The following PACSIN2 variants were observed in gnomAD, a reference collection of about 807,000 sequenced individuals.
PACSIN2 encodes the protein protein kinase C and casein kinase substrate in neurons 2, also known as protein kinase C and casein kinase substrate in neurons protein 2.
In PACSIN2, 25 loss-of-function variants were observed where a neutral mutation model predicts 63.8. The observed-to-expected ratio is 0.39, with a 90% confidence interval of 0.29 to 0.55. The LOEUF is 0.55. Ranked by LOEUF, PACSIN2 falls within the 20% of genes least tolerant of loss-of-function variation. The probability of loss-of-function intolerance (pLI) is 0.62; values close to 1 mark genes in which losing one functional copy is unlikely to be tolerated. For synonymous variants in PACSIN2, 255 were observed against 256.2 expected (o/e 1.00, Z 0.05); for missense variants, 518 against 646.9 (o/e 0.80, Z 2.16).
intron 1 of PACSIN2, among the ~76,000 whole-genome samples, chr22:42,927,720 T>A (rs145133810): frequency 0.027 from 4,176 of 152,124 alleles, 67 homozygotes; most frequent in African/African-American, 0.036. Context: ...CCCGAGTAGC[T>A]GGGATTAGAA....
intron 2 of PACSIN2, among the ~76,000 whole-genome samples, chr22:42,895,335 C>T (rs528220318): frequency 2.0e-5 from 3 of 152,304 alleles, no homozygotes; most frequent in Non-Finnish European, 2.9e-5. Context: ...AACTCAGTAT[C>T]GTTGAGCTGG....
chr22:42,900,170 T>A (rs1383890471), intron 2 of PACSIN2, among the ~76,000 whole-genome samples: 2 of 152,168 alleles, frequency 1.3e-5, no homozygotes, highest in African/African-American at 4.8e-5. Flanking sequence ...GGGAGACTCA[T>A]CTGAGGACTC....
chr22:42,871,348 C>T lies in PACSIN2; in HGVS notation c.*9G>A, dbSNP rs770416825. 5.0e-6 allele frequency: 8 copies of T among 1,594,362 alleles called. No individual in the cohort carries two copies. The highest frequency in any genetic ancestry group is 6.9e-6 in the Non-Finnish European group (8 of 1,161,846). ...GCCTCCGTCCCCCCGCTGGCCTGTC[C>T]CCGACTCATCACTGGATCGCCTCCA... On this transcript the variant is annotated 3_prime_UTR_variant, in exon 11 of 11. Transcript: ENST00000263246. This position sits in a 1 kb window ranked among gnomAD's most constrained non-coding sequence, Gnocchi z 5.4.
chr22:42,971,741 C>A (rs1295591329), intron 1 of PACSIN2, among the ~76,000 whole-genome samples: 1 of 151,784 alleles, frequency 6.6e-6, no homozygotes, highest in African/African-American at 2.4e-5. Flanking sequence ...CCGGCAGCCG[C>A]CCCGTCCGGG....
At chr22:43,003,834 T>C (rs1923922873) in intron 1 of PACSIN2, among the ~76,000 whole-genome samples, 1 of 152,158 alleles carries the variant, frequency 6.6e-6, no homozygotes, top group Non-Finnish European at 1.5e-5. Context: ...CTCTGGAATC[T>C]TCCTCCTGTC....
At chr22:42,888,161 T>C (rs918086026) in intron 5 of PACSIN2, among the ~76,000 whole-genome samples, 8 of 152,244 alleles carry the variant, frequency 5.3e-5, no homozygotes, top group African/African-American at 9.6e-5. Context: ...GAGTGGCTCC[T>C]GGTCAGCAGC....
chr22:42,898,822 C>T (rs898140030), intron 2 of PACSIN2, among the ~76,000 whole-genome samples: 4 of 152,164 alleles, frequency 2.6e-5, no homozygotes, highest in African/African-American at 9.7e-5. Flanking sequence ...TTAAAGTCAG[C>T]TAGGATGAGG....
At chr22:42,947,758 T>C (rs1601563528) in intron 1 of PACSIN2, among the ~76,000 whole-genome samples, 1 of 151,798 alleles carries the variant, frequency 6.6e-6, no homozygotes, top group Middle Eastern at 3.4e-3. Context: ...ATGGGTAAAA[T>C]AGAATCCAAT....
At chr22:42,937,796 A>T (rs1355498162) in intron 1 of PACSIN2, among the ~76,000 whole-genome samples, 5 of 152,176 alleles carry the variant, frequency 3.3e-5, no homozygotes, top group Non-Finnish European at 7.3e-5. Context: ...AGAACAGCAA[A>T]GTCCAGCATC....
chr22:42,970,102 A>G (rs1921140777), intron 1 of PACSIN2, among the ~76,000 whole-genome samples: 1 of 152,128 alleles, frequency 6.6e-6, no homozygotes, highest in African/African-American at 2.4e-5. Context: ...CCAAGTCCTC[A>G]CGCTGGGAAG....
At chr22:42,873,052 C>T (rs1024740483) in intron 10 of PACSIN2, among the ~76,000 whole-genome samples, 2 of 152,162 alleles carry the variant, frequency 1.3e-5, no homozygotes, top group Admixed American at 6.5e-5. Flanking sequence ...CCGCAAGAGA[C>T]GTAAGTCAAG....
chr22:42,993,853 T>C (rs1488839928), intron 1 of PACSIN2: 1 of 151,624 alleles, frequency 6.6e-6, no homozygotes, highest in Non-Finnish European at 1.5e-5. Context: ...CTCCCACAAG[T>C]CAAGAAATCA....
At chr22:42,984,693 T>C (rs1922485143) in intron 1 of PACSIN2, among the ~76,000 whole-genome samples, 1 of 152,138 alleles carries the variant, frequency 6.6e-6, no homozygotes, top group African/African-American at 2.4e-5. Flanking sequence ...AAAATGAAAT[T>C]TCTCTTACCT....
chr22:42,922,597 T>A (rs1932267054), intron 1 of PACSIN2, among the ~76,000 whole-genome samples: 2 of 152,374 alleles, frequency 1.3e-5, no homozygotes, highest in East Asian at 3.9e-4. Context: ...CAGGCTGACC[T>A]GCAGCTCGTT....
intron 1 of PACSIN2, among the ~76,000 whole-genome samples, chr22:43,001,122 C>T (rs1329019637): frequency 6.6e-6 from 1 of 152,226 alleles, no homozygotes; most frequent in Admixed American, 6.5e-5. Flanking sequence ...TCAGCCCTAT[C>T]AGTGCATGCC....
intron 1 of PACSIN2, among the ~76,000 whole-genome samples, chr22:42,921,692 A>G (rs972125187): frequency 1.3e-5 from 2 of 152,148 alleles, no homozygotes; most frequent in African/African-American, 4.8e-5. Context: ...GGGAGCAATC[A>G]GGAGCCAGAA....
At chr22:42,932,377 C>T (rs918238685) in intron 1 of PACSIN2, among the ~76,000 whole-genome samples, 5 of 152,184 alleles carry the variant, frequency 3.3e-5, no homozygotes, top group African/African-American at 2.4e-5. Flanking sequence ...TTTATATTTC[C>T]TCAAAGCACA....
intron 2 of PACSIN2, among the ~76,000 whole-genome samples, chr22:42,903,402 TAGG>T (rs1471908763): frequency 6.6e-6 from 1 of 152,222 alleles, no homozygotes; most frequent in African/African-American, 2.4e-5. Flanking sequence ...CTGTTGATAT[TAGG>T]GTTGTGAAAT....
chr22:42,982,886 AAAAACAAC>A (rs1386908043), intron 1 of PACSIN2, among the ~76,000 whole-genome samples: 4 of 139,924 alleles, frequency 2.9e-5, no homozygotes, highest in South Asian at 2.4e-4. Flanking sequence ...AAAAAAAAAA[AAAAACAAC>A]AACAAGGCTA....
Sources: allele counts gnomAD v4.1 joint callset (sites outside exome capture counted in the v4.1 genomes callset), GRCh38; gene constraint gnomAD v4.1.1; non-coding constraint Gnocchi (gnomAD v3.1); transcripts MANE v1.5; gene names NCBI Gene and HGNC (gene_info 2026-07-23, HGNC 2026-07-21).